The following PCDHGA2 variants were observed in gnomAD, a reference collection of about 807,000 sequenced individuals.
PCDHGA2 encodes protocadherin gamma-A2.
A neutral mutation model predicts 59.2 loss-of-function variants in PCDHGA2; 40 were observed. The observed-to-expected ratio is 0.68, with a 90% CI of 0.52 to 0.88. The LOEUF (loss-of-function observed/expected upper bound fraction) is 0.88, where lower values mean the gene tolerates loss of function less well. Among genes scored for constraint, PCDHGA2 ranks in the 40% least tolerant of loss-of-function variants. PCDHGA2 has a pLI of 0.00. For missense variants in PCDHGA2, 1,226 were observed against 1,204.0 expected (o/e 1.02, Z -0.27); for synonymous variants, 560 against 526.0 (o/e 1.06, Z -0.89).
In PCDHGA2 at chr5:141,414,656, C is replaced by A. The variant is rs1409573217; in HGVS notation, c.2424+73261C>A. The A allele has an allele frequency of 1.2e-5, 20 of 1,614,008 alleles. No individual in the cohort carries two copies. Among genetic ancestry groups the A allele is most frequent in the Non-Finnish European group, 1.7e-5 (20 of 1,179,888 alleles). On this transcript the variant is annotated intron_variant, in intron 1 of 3. Transcript: ENST00000394576. ...AAAGAGAATGCCCAGATTATTTACTCCCTGGCTGAAGACACCATCCAGGGG... is the reference window on the plus strand; with the variant it reads ...AAAGAGAATGCCCAGATTATTTACTACCTGGCTGAAGACACCATCCAGGGG...
intron 1 of PCDHGA2, chr5:141,389,992 T>C (rs1454071261): frequency 6.2e-7 from 1 of 1,614,010 alleles, no homozygotes; most frequent in South Asian, 1.1e-5. Flanking sequence ...CTCTTCCTCG[T>C]GGCCATGATT....
rs776908106 is a variant in PCDHGA2, at chr5:141,345,473, T to TAGCA, written c.2424+4080_2424+4083dup. The TAGCA allele has an allele frequency of 5.3e-4, 851 of 1,614,028 alleles. 8 individuals are homozygous for TAGCA. The highest frequency in any genetic ancestry group is 1.6e-4 in the Middle Eastern group (1 of 6,062). ...TCTCAGTGACAGCCCAGGACCCAGA[T>TAGCA]AGCAACAACAACGCCCGCATCACTT... On this transcript the variant is annotated intron_variant, in intron 1 of 3. Coordinates refer to ENST00000394576, the MANE Select transcript of PCDHGA2 (RefSeq NM_018915.4).
At chr5:141,423,202 G>A (rs771252840) in intron 1 of PCDHGA2, 67 of 1,613,500 alleles carry the variant, frequency 4.2e-5, no homozygotes, top group Non-Finnish European at 5.5e-5. Context: ...CTCGGCCACC[G>A]TCACGCTCAC....
chr5:141,429,395 A>AAT (rs2097212201), intron 1 of PCDHGA2, among the ~76,000 whole-genome samples: 7 of 152,008 alleles, frequency 4.6e-5, no homozygotes, highest in African/African-American at 1.7e-4. Flanking sequence ...TTTAAAAAAA[A>AAT]TTGAGATTAA....
At chr5:141,472,256 T>C (rs2099275290) in intron 1 of PCDHGA2, among the ~76,000 whole-genome samples, 1 of 152,176 alleles carries the variant, frequency 6.6e-6, no homozygotes, top group South Asian at 2.1e-4. Flanking sequence ...TAAAGTTATA[T>C]TATAGCCGGG....
intron 1 of PCDHGA2, among the ~76,000 whole-genome samples, chr5:141,436,292 G>T (rs2097808605): frequency 6.6e-6 from 1 of 152,158 alleles, no homozygotes; most frequent in Non-Finnish European, 1.5e-5. Context: ...ACAAATCATT[G>T]AGAGTTAGAG....
rs200873701 is a variant in PCDHGA2, at chr5:141,375,789, C to T, written c.2424+34394C>T. ...GAGATCCTGTACCCCGCCCTCCCCA[C>T]AGACGGTTCCACTGGCGTGGAGCTG... On this transcript the variant is annotated intron_variant, in intron 1 of 3. Coordinates refer to ENST00000394576, the MANE Select transcript of PCDHGA2 (RefSeq NM_018915.4). The T allele has an allele frequency of 7.9e-5, 128 of 1,614,258 alleles. No individual in the cohort carries two copies. The Middle Eastern group carries it at 1.8e-3, about 23-fold the overall frequency.
chr5:141,384,827 T>A lies in PCDHGA2; in HGVS notation c.2424+43432T>A, dbSNP rs182404532. ...AGAGATGCCCTCAAGCAGAGCCTCG[T>A]GGTGGCCGTCCAGGACCACGGTCAG... On this transcript the variant is annotated intron_variant, in intron 1 of 3. Transcript: ENST00000394576. The A allele has an allele frequency of 2.2e-4, 348 of 1,613,356 alleles. No individual in the cohort carries two copies. The highest frequency in any genetic ancestry group is 2.5e-4 in the Non-Finnish European group (296 of 1,179,908).
chr5:141,456,308 T>C (rs2098849199), intron 1 of PCDHGA2, among the ~76,000 whole-genome samples: 1 of 152,156 alleles, frequency 6.6e-6, no homozygotes, highest in Non-Finnish European at 1.5e-5. Context: ...GAACAGCAGC[T>C]AGGGCTCCTC....
intron 1 of PCDHGA2, chr5:141,484,949 A>G: frequency 1.8e-6 from 1 of 557,402 alleles, no homozygotes; most frequent in East Asian, 3.1e-5. Flanking sequence ...TGCTCAGCCT[A>G]TTGGCTGAGC....
chr5:141,388,591 A>G (rs761143693), intron 1 of PCDHGA2: 9 of 1,613,804 alleles, frequency 5.6e-6, no homozygotes, highest in African/African-American at 5.3e-5. Flanking sequence ...ACTGATGCCA[A>G]TGATAATGCT....
chr5:141,482,740 G>A (rs1288861437), intron 1 of PCDHGA2, among the ~76,000 whole-genome samples: 1 of 127,398 alleles, frequency 7.8e-6, no homozygotes, highest in African/African-American at 3.6e-5. Context: ...GAAATTCCAT[G>A]CAGAGGGATT....
At chr5:141,357,232 C>A (rs753504558) in intron 1 of PCDHGA2, 1 of 1,613,846 alleles carries the variant, frequency 6.2e-7, no homozygotes, top group East Asian at 2.2e-5. Context: ...CTTGGGCAGC[C>A]TCAAGCCTTC....
At chr5:141,364,601 G>C in intron 1 of PCDHGA2, 1 of 1,614,194 alleles carries the variant, frequency 6.2e-7, no homozygotes, top group Non-Finnish European at 8.5e-7. Context: ...GGGCAGGATA[G>C]ACCGGGAGGA....
rs3805699 is a variant in PCDHGA2 at position 141,435,743 on chromosome 5, G to A, written c.2425-59064G>A. Among the ~76,000 whole-genome samples the A allele has an allele frequency of 9.2e-5, 14 of 152,198 alleles. No homozygotes were observed. The East Asian group carries it at 2.1e-3, about 23-fold the overall frequency. ...GCTAAAGTGTATTACTCTTTGAAAA[G>A]CATTGCTTGATTTCTTTTGGTGAAT... is the stretch of plus-strand genomic sequence containing the variant. On this transcript the variant is annotated intron_variant, in intron 1 of 3. Coordinates refer to ENST00000394576, the MANE Select transcript of PCDHGA2 (RefSeq NM_018915.4).
chr5:141,482,470 C>T (rs768383368), intron 1 of PCDHGA2, among the ~76,000 whole-genome samples: 8 of 137,876 alleles, frequency 5.8e-5, no homozygotes, highest in Non-Finnish European at 1.2e-4. Flanking sequence ...ATGTGCCAGA[C>T]ACTGTAAACA....
intron 1 of PCDHGA2, chr5:141,364,635 G>A (rs1211803490): frequency 2.5e-6 from 4 of 1,614,038 alleles, no homozygotes; most frequent in African/African-American, 1.3e-5. Context: ...AGCCCACTGT[G>A]TGTGGTGAAC....
At chr5:141,392,819 C>A (rs1346235587) in intron 1 of PCDHGA2, 7 of 1,590,376 alleles carry the variant, frequency 4.4e-6, no homozygotes, top group Non-Finnish European at 6.0e-6. Context: ...CAACAATGGC[C>A]GCTCCACAGA....
At chr5:141,367,043 A>G (rs939220707) in intron 1 of PCDHGA2, 4 of 343,424 alleles carry the variant, frequency 1.2e-5, no homozygotes, top group African/African-American at 8.6e-5. Flanking sequence ...AGTTCTATTA[A>G]TAGAAAAGAT....
Sources: allele counts gnomAD v4.1 joint callset (sites outside exome capture counted in the v4.1 genomes callset), GRCh38; gene constraint gnomAD v4.1.1; transcripts MANE v1.5; gene names NCBI Gene and HGNC (gene_info 2026-07-23, HGNC 2026-07-21).